The following PSMD3 variants were observed in gnomAD, a reference collection of about 807,000 sequenced individuals.
PSMD3 encodes proteasome 26S subunit, non-ATPase 3, also known as 26S proteasome non-ATPase regulatory subunit 3.
Under a neutral mutation model 62.8 loss-of-function variants are expected in PSMD3, and 5 were observed. That is an observed-to-expected ratio of 0.08 (90% CI 0.04 to 0.17). PSMD3 has a LOEUF of 0.17. Ranked by LOEUF, PSMD3 falls within the 10% of genes least tolerant of loss-of-function variation. The pLI is 1.00. For missense variants in PSMD3, 524 were observed against 713.6 expected, an observed-to-expected ratio of 0.73 and a Z score of 3.03; for synonymous variants, 265 against 283.9, an observed-to-expected ratio of 0.93 and a Z score of 0.67.
Position 39,981,040 on chromosome 17 carries a change from C to G in PSMD3, c.70C>G (p.Gln24Glu), listed in dbSNP as rs994688297. The change falls in exon 1 of 12, where the codon CAA (glutamine) becomes GAA (glutamate). Residue 24 changes from glutamine (Q) to glutamate (E), a missense_variant. Physicochemically the swap from Gln to Glu is conservative, Grantham distance 29 (BLOSUM62 2). Around this residue, in one of 4 missense-constraint regions of PSMD3, gnomAD observed 396 missense variants for 475.8 expected, o/e 0.83. Coordinates refer to ENST00000264639, the MANE Select transcript of PSMD3 (RefSeq NM_002809.4). ...KAKPPPGGGE[Q>E]EPPPPPAPQD... ...GAAACCGCCGCCCGGCGGAGGAGAA[C>G]AAGAACCCCCACCGCCGCCGGCCCC... 9.0e-6 allele frequency: 14 copies of G among 1,549,626 alleles called. No homozygotes were observed. The highest frequency in any genetic ancestry group is 1.1e-5 in the Non-Finnish European group (13 of 1,146,756).
intron 6 of PSMD3, among the ~76,000 whole-genome samples, chr17:39,991,061 C>T (rs1374009308): frequency 6.6e-6 from 1 of 151,674 alleles, no homozygotes; most frequent in Admixed American, 6.5e-5. Flanking sequence ...TCACTGCAAC[C>T]TCTGCCTCCC....
Position 39,990,149 on chromosome 17 carries a change from C to A in PSMD3, c.933C>A (p.Asn311Lys). 1 of 1,614,074 alleles carries A rather than the reference C, an allele frequency of 6.2e-7. No homozygotes were observed. Among genetic ancestry groups the A allele is most frequent in the Non-Finnish European group, 8.5e-7 (1 of 1,180,022 alleles). ...EYSEARRTMT[N>K]ALRKAPQHTA... ...CAGAGGCCCGGAGAACGATGACCAA[C>A]GCCCTTCGCAAGGCCCCTCAGCACA... Residue 311 changes from asparagine (N) to lysine (K), a missense_variant, in exon 6 of 12, where the codon AAC (asparagine) becomes AAA (lysine). By Grantham distance (94) the Asn-to-Lys change is moderately conservative. This residue lies in a region of PSMD3 where 396 missense variants were observed against 475.8 expected (regional missense o/e 0.83). Coordinates refer to ENST00000264639, the MANE Select transcript of PSMD3 (RefSeq NM_002809.4).
Position 39,989,939 on chromosome 17 carries a change from G to A in PSMD3, c.877+10G>A. 3 of 1,608,372 alleles carry A rather than the reference G, an allele frequency of 1.9e-6. No homozygotes were observed. The highest frequency in any genetic ancestry group is 2.6e-6 in the Non-Finnish European group (3 of 1,175,440). ...TACCTCTACTACACAGGTGAGCAGAGGGGCCCAACCCATAAATCAGAAGGT... is the reference window on the plus strand; with the variant it reads ...TACCTCTACTACACAGGTGAGCAGAAGGGCCCAACCCATAAATCAGAAGGT... On this transcript the variant is annotated intron_variant, in intron 5 of 11. Transcript: ENST00000264639.
At position 39,988,693 on chromosome 17, in the gene PSMD3, T is replaced by C; in HGVS notation, c.560T>C (p.Ile187Thr). Reference sequence around the variant, plus strand: ...TGGCTTCCTCCCCAGGCACAGAAGATCTCTGATGATCTGATGCAGAAGATC... The same window carrying C: ...TGGCTTCCTCCCCAGGCACAGAAGACCTCTGATGATCTGATGCAGAAGATC... ...NSKRYKEAQK[I>T]SDDLMQKIST... The change falls in exon 4 of 12, where the codon ATC becomes ACC. Residue 187 changes from isoleucine to threonine, a missense_variant. Around this residue, in one of 4 missense-constraint regions of PSMD3, gnomAD observed 396 missense variants for 475.8 expected, o/e 0.83. Coordinates refer to ENST00000264639, the MANE Select transcript of PSMD3 (RefSeq NM_002809.4). 1 of 1,614,122 alleles carries C rather than the reference T, an allele frequency of 6.2e-7. No homozygotes were observed. The highest frequency in any genetic ancestry group is 8.5e-7 in the Non-Finnish European group (1 of 1,180,000).
Position 39,995,895 on chromosome 17 carries a change from G to T in PSMD3, c.1321-288G>T. 2.1e-6 allele frequency: 1 copy of T among 481,348 alleles called. No individual in the cohort carries two copies. Among genetic ancestry groups the T allele is most frequent in the Non-Finnish European group, 3.8e-6 (1 of 264,480 alleles). The allele number at this position is 481,348 out of a possible 1,614,324, so 29.8% of individuals were successfully genotyped here. A position where few individuals can be genotyped will look rare whatever the true frequency, so the allele number is the denominator to read the frequency against. On this transcript the variant is annotated intron_variant, in intron 9 of 11. Transcript: ENST00000264639. The surrounding 1 kb of genome is among the most constrained non-coding windows in gnomAD (Gnocchi z 4.1). ...GCACTTTGGGAGGCTGACATGGGCA[G>T]ATCACCTGAGGTCAGGAGTTTGAGA...
chr17:39,991,782 G>A (rs906317001), intron 6 of PSMD3, among the ~76,000 whole-genome samples: 1 of 152,160 alleles, frequency 6.6e-6, no homozygotes, highest in African/African-American at 2.4e-5. Flanking sequence ...GCTCACACCT[G>A]TAATCCTAGC....
intron 6 of PSMD3, 178 bp from the exon 7 acceptor site, chr17:39,994,776 G>A: frequency 3.3e-6 from 2 of 611,718 alleles, no homozygotes; most frequent in East Asian, 2.8e-5. Context: ...GGCTCCAAAG[G>A]CAGAGCTTGG....
chr17:39,992,219 A>G (rs1980675336), intron 6 of PSMD3, among the ~76,000 whole-genome samples: 1 of 152,180 alleles, frequency 6.6e-6, no homozygotes, highest in African/African-American at 2.4e-5. Context: ...GTCATGTACC[A>G]TGAGAGAGGC....
chr17:39,985,047 G>C (rs1980490459), intron 2 of PSMD3, among the ~76,000 whole-genome samples: 1 of 151,958 alleles, frequency 6.6e-6, no homozygotes, highest in Non-Finnish European at 1.5e-5. Flanking sequence ...GGGCGACATG[G>C]TGAGACCCTG....
At chr17:39,981,243 T>G in intron 1 of PSMD3, 53 bp downstream of exon 1, 1 of 1,545,710 alleles carries the variant, frequency 6.5e-7, no homozygotes, top group East Asian at 2.5e-5. Flanking sequence ...CAGCGACCCC[T>G]GTGATTTGGC....
chr17:39,982,464 ATAAC>A (rs1162296722), intron 1 of PSMD3, among the ~76,000 whole-genome samples: 4 of 152,268 alleles, frequency 2.6e-5, no homozygotes, highest in African/African-American at 9.6e-5. Context: ...GTATCAAGGC[ATAAC>A]TAAATATAAA....
At chr17:39,991,988 G>A (rs755792499) in intron 6 of PSMD3, among the ~76,000 whole-genome samples, 30 of 140,648 alleles carry the variant, frequency 2.1e-4, no homozygotes, top group Admixed American at 1.6e-3. Flanking sequence ...TCGTGCCACT[G>A]CACTGCAGCC....
intron 1 of PSMD3, among the ~76,000 whole-genome samples, chr17:39,983,035 A>ATT (rs555041284): frequency 1.1e-4 from 16 of 144,734 alleles, no homozygotes; most frequent in African/African-American, 2.3e-4. Context: ...GTACTCTATA[A>ATT]TTTTTTTTTT....
chr17:39,982,716 G>A (rs188821839), intron 1 of PSMD3, among the ~76,000 whole-genome samples: 45 of 152,302 alleles, frequency 3.0e-4, no homozygotes, highest in African/African-American at 8.9e-4. Flanking sequence ...TATCATTAGT[G>A]TGGCCCAGAT....
chr17:39,994,890 T>A, intron 6 of PSMD3, 64 bp from the exon 7 acceptor site: 1 of 1,428,138 alleles, frequency 7.0e-7, no homozygotes, highest in Non-Finnish European at 9.8e-7. Flanking sequence ...TTAGGCCACA[T>A]TTCATTTTCT....
At position 39,980,977 on chromosome 17, in the gene PSMD3, C is replaced by A; in HGVS notation, c.7C>A (p.Gln3Lys). The change falls in exon 1 of 12, where the codon CAG (glutamine) becomes AAG (lysine). Residue 3 changes from glutamine to lysine, a missense_variant. Around this residue, in one of 4 missense-constraint regions of PSMD3, gnomAD observed 396 missense variants for 475.8 expected, o/e 0.83. Transcript: ENST00000264639. ...GGCCGTGACCCCGGGTGCCATGAAG[C>A]AGGAGGGCTCGGCGCGGCGCCGCGG... MK[Q>K]EGSARRRGAD... is the part of the protein sequence containing the mutation. The A allele has an allele frequency of 6.5e-7, 1 of 1,543,220 alleles. No individual in the cohort carries two copies. Among genetic ancestry groups the A allele is most frequent in the Non-Finnish European group, 8.7e-7 (1 of 1,146,468 alleles).
rs1321978724 is a variant in PSMD3, at chr17:39,996,534, C to G, written c.1476+196C>G. ...ATAGTTCCATAGCCAGTTGCCCTCT[C>G]CTATTGCGTTTAAGGGATGATGTGG... On this transcript the variant is annotated intron_variant, in intron 10 of 11. Coordinates refer to ENST00000264639, the MANE Select transcript of PSMD3 (RefSeq NM_002809.4). This position sits in a 1 kb window ranked among gnomAD's most constrained non-coding sequence, Gnocchi z 5.1. Among the ~76,000 whole-genome samples, 1 of 152,148 alleles carries G rather than the reference C, an allele frequency of 6.6e-6. No homozygotes were observed. The highest frequency in any genetic ancestry group is 1.5e-5 in the Non-Finnish European group (1 of 68,032).
intron 1 of PSMD3, 37 bp from the exon 2 acceptor site, chr17:39,984,257 T>C (rs772284610): frequency 1.3e-6 from 2 of 1,484,108 alleles, no homozygotes; most frequent in African/African-American, 2.9e-5. Flanking sequence ...GGACTAGGAG[T>C]GAAAGTGACA....
At position 39,989,783 on chromosome 17, in the gene PSMD3, C is replaced by T. The variant is rs1980611245; in HGVS notation, c.731C>T (p.Ala244Val). Residue 244 changes from alanine to valine, a missense_variant, in exon 5 of 12, where the codon GCA becomes GTA. Coordinates refer to ENST00000264639, the MANE Select transcript of PSMD3 (RefSeq NM_002809.4). ...RLRTATLRHDADGQATLLNLL... is the reference protein window; with the variant it reads ...RLRTATLRHDVDGQATLLNLL... ...CGGACAGCTACGCTTCGGCATGACGCAGACGGGCAGGCCACCCTGTTGAAC... is the reference window on the plus strand; with the variant it reads ...CGGACAGCTACGCTTCGGCATGACGTAGACGGGCAGGCCACCCTGTTGAAC... 4.3e-6 allele frequency: 7 copies of T among 1,614,164 alleles called. No homozygotes were observed. The highest frequency in any genetic ancestry group is 5.9e-6 in the Non-Finnish European group (7 of 1,180,038).
Sources: gnomAD v4.1 joint callset for allele counts (sites outside exome capture counted in the v4.1 genomes callset) on GRCh38, gnomAD v4.1.1 for gene constraint, gnomAD v4.1.1 regional missense constraint, Gnocchi (gnomAD v3.1) non-coding constraint, MANE v1.5 for transcripts, NCBI Gene and HGNC (gene_info 2026-07-23, HGNC 2026-07-21) for gene names.